CBLB: variants seen among roughly 807,000 people sequenced by gnomAD.
The protein encoded by CBLB is Cbl proto-oncogene B.
A neutral mutation model predicts 104.9 loss-of-function variants in CBLB; 31 were observed. The observed-to-expected ratio is 0.30, with a 90% CI of 0.22 to 0.40. The LOEUF is 0.40. Ranked by LOEUF, CBLB falls within the 10% of genes least tolerant of loss-of-function variation. CBLB has a pLI of 1.00. For missense variants in CBLB, 1,062 were observed against 1,214.6 expected (o/e 0.87, Z 1.87); for synonymous variants, 440 against 422.6 (o/e 1.04, Z -0.51).
chr3:105,807,319 G>A (rs543082340), intron 3 of CBLB, among the ~76,000 whole-genome samples: 400 of 152,312 alleles, frequency 2.6e-3, no homozygotes, highest in Non-Finnish European at 4.2e-3. Context: ...CATTTCTGGA[G>A]GCCAAGATGG....
At chr3:105,724,232 A>G (rs1434320131) in intron 9 of CBLB, 1 of 163,640 alleles carries the variant, frequency 6.1e-6, no homozygotes, top group African/African-American at 2.4e-5. Context: ...AGTTAATAGT[A>G]ATCTTAGACA....
intron 3 of CBLB, among the ~76,000 whole-genome samples, chr3:105,786,204 A>G (rs544401798): frequency 3.3e-5 from 5 of 152,178 alleles, no homozygotes; most frequent in Non-Finnish European, 7.4e-5. Context: ...TAGGAAAACA[A>G]ATACAGGATA....
chr3:105,869,381 A>G, upstream of CBLB: 1 of 1,342,774 alleles, frequency 7.4e-7, no homozygotes, highest in Non-Finnish European at 9.9e-7. Flanking sequence ...ACCGGGAGCC[A>G]AAGCCATCTG....
chr3:105,712,320 T>C (rs2071229184), intron 10 of CBLB, among the ~76,000 whole-genome samples: 1 of 152,208 alleles, frequency 6.6e-6, no homozygotes, highest in African/African-American at 2.4e-5. Flanking sequence ...AAATGTAAGC[T>C]TTTAGAAATG....
chr3:105,666,775 A>T (rs527363622), intron 18 of CBLB, among the ~76,000 whole-genome samples: 1 of 152,356 alleles, frequency 6.6e-6, no homozygotes, highest in South Asian at 2.1e-4. Context: ...TTTTAAATAT[A>T]TCCAGAAAAT....
At chr3:105,785,339 G>C (rs2152984535) in intron 3 of CBLB, among the ~76,000 whole-genome samples, 1 of 152,262 alleles carries the variant, frequency 6.6e-6, no homozygotes, top group South Asian at 2.1e-4. Context: ...CACTTTAACA[G>C]AGAATTACAA....
chr3:105,835,827 C>T (rs2088393501), intron 3 of CBLB, among the ~76,000 whole-genome samples: 2 of 152,172 alleles, frequency 1.3e-5, no homozygotes, highest in South Asian at 2.1e-4. Flanking sequence ...AAACATGCTA[C>T]AAGAATTCCA....
intron 17 of CBLB, chr3:105,672,525 G>A (rs1477203691): frequency 6.2e-6 from 1 of 161,548 alleles, no homozygotes. Context: ...ATTACCAATT[G>A]TCCCCTGATA....
intron 3 of CBLB, among the ~76,000 whole-genome samples, chr3:105,846,709 CTTAG>C (rs1182193066): frequency 2.6e-5 from 4 of 152,058 alleles, no homozygotes; most frequent in Non-Finnish European, 4.4e-5. Flanking sequence ...CATTCCTGTA[CTTAG>C]TTAAACAGCA....
chr3:105,754,012 G>A (rs2076817620), intron 4 of CBLB, among the ~76,000 whole-genome samples: 1 of 152,094 alleles, frequency 6.6e-6, no homozygotes, highest in Admixed American at 6.6e-5. Flanking sequence ...TTAATTAGTG[G>A]TAGTAATAGG....
At position 105,869,002 on chromosome 3, in the gene CBLB, G is replaced by T; in HGVS notation, c.-281C>A. On this transcript the variant is annotated 5_prime_UTR_variant, in exon 1 of 19. Transcript: ENST00000394030. Reference sequence around the variant, plus strand: ...GCAGCACTAGCAGGAGGAGGAGACCGCTCGCTGGACACCCCACCCCTGTGG... The same window carrying T: ...GCAGCACTAGCAGGAGGAGGAGACCTCTCGCTGGACACCCCACCCCTGTGG... 9.5e-7 allele frequency: 1 copy of T among 1,056,698 alleles called. No homozygotes were observed. Among genetic ancestry groups the T allele is most frequent in the South Asian group, 2.7e-5 (1 of 36,752 alleles). 65.5% of individuals were successfully genotyped at this position (1,056,698 alleles called of 1,614,324 possible).
At chr3:105,776,892 G>C (rs1182581443) in intron 3 of CBLB, among the ~76,000 whole-genome samples, 2 of 152,016 alleles carry the variant, frequency 1.3e-5, no homozygotes, top group Non-Finnish European at 2.9e-5. Flanking sequence ...AAGAGAGAGT[G>C]ACTATTTCTA....
chr3:105,748,663 G>T (rs1214415271), intron 5 of CBLB, among the ~76,000 whole-genome samples: 1 of 152,190 alleles, frequency 6.6e-6, no homozygotes, highest in Non-Finnish European at 1.5e-5. Context: ...AAGGAAAGAA[G>T]GAAGAAGAGG....
intron 13 of CBLB, among the ~76,000 whole-genome samples, chr3:105,691,264 A>C (rs1208282199): frequency 6.6e-6 from 1 of 152,260 alleles, no homozygotes; most frequent in Non-Finnish European, 1.5e-5. Context: ...AGCATGCAAA[A>C]TTGAAAACTA....
intron 5 of CBLB, among the ~76,000 whole-genome samples, chr3:105,749,067 T>G (rs1172907727): frequency 1.3e-5 from 2 of 152,126 alleles, no homozygotes; most frequent in African/African-American, 2.4e-5. Context: ...ATATAATACA[T>G]TTAAGAAAAT....
upstream of CBLB, chr3:105,869,315 T>G: frequency 8.3e-7 from 1 of 1,198,238 alleles, no homozygotes; most frequent in Non-Finnish European, 1.1e-6. Context: ...GACGAAGGGA[T>G]GCAAGGCACG....
In CBLB at chr3:105,742,886, T is replaced by C. The variant is rs571301828; in HGVS notation, c.846-2255A>G. Among the ~76,000 whole-genome samples, 141 of 150,838 alleles carry C rather than the reference T, an allele frequency of 9.3e-4. 1 individual carries two copies. Among genetic ancestry groups the C allele is most frequent in the Admixed American group, 2.9e-3 (43 of 14,956 alleles). On this transcript the variant is annotated intron_variant, in intron 6 of 18. Transcript: ENST00000394030. Reference sequence around the variant, plus strand: ...TGAAATTGCTCACATTTTTAATTCATGTCCTTCTCTGTTGCTCTAAACATT... The same window carrying C: ...TGAAATTGCTCACATTTTTAATTCACGTCCTTCTCTGTTGCTCTAAACATT...
rs954308603 is a variant in CBLB at position 105,738,605 on chromosome 3, A to T, written c.984-1347T>A. ...AGCAAGAATTCAGAAATTAAAGATTACAAAAATCATGATTAGGGTACCATA... is the reference window on the plus strand; with the variant it reads ...AGCAAGAATTCAGAAATTAAAGATTTCAAAAATCATGATTAGGGTACCATA... On this transcript the variant is annotated intron_variant, in intron 7 of 18. Coordinates refer to ENST00000394030, the MANE Select transcript of CBLB (RefSeq NM_170662.5). Among the ~76,000 whole-genome samples, 14 of 152,218 alleles carry T rather than the reference A, an allele frequency of 9.2e-5. 1 individual carries two copies. In the South Asian group the frequency reaches 2.9e-3, roughly 32 times the overall value.
intron 3 of CBLB, among the ~76,000 whole-genome samples, chr3:105,840,274 GTA>G (rs2089343996): frequency 6.6e-6 from 1 of 151,890 alleles, no homozygotes; most frequent in South Asian, 2.1e-4. Context: ...TTTCACACAT[GTA>G]TATACATAAA....
Sources: gnomAD v4.1 joint callset for allele counts (sites outside exome capture counted in the v4.1 genomes callset) on GRCh38, gnomAD v4.1.1 for gene constraint, MANE v1.5 for transcripts, NCBI Gene and HGNC (gene_info 2026-07-23, HGNC 2026-07-21) for gene names.